Variants in DLG2 observed in about 807,000 individuals in gnomAD.
The protein encoded by DLG2 is disks large homolog 2.
DLG2 carries 45 observed loss-of-function variants against 132.5 expected under a neutral mutation model. The ratio of observed to expected loss-of-function variants is 0.34; its 90% CI spans 0.27 to 0.44. The LOEUF (loss-of-function observed/expected upper bound fraction) is 0.44, where lower values mean the gene tolerates loss of function less well. DLG2 is among the 20% of genes least tolerant of loss of function. The pLI, the probability that DLG2 is intolerant of heterozygous loss-of-function variation, is 1.00. For missense variants in DLG2, 1,045 were observed against 1,196.9 expected (o/e 0.87, Z 1.87); for synonymous variants, 424 against 419.6 (o/e 1.01, Z -0.13).
intron 7 of DLG2, among the ~76,000 whole-genome samples, chr11:84,363,432 TG>T (rs2098662713): frequency 6.6e-6 from 1 of 152,172 alleles, no homozygotes; most frequent in Non-Finnish European, 1.5e-5. Context: ...ATGAGTAGGT[TG>T]TGAAAATTTT....
At chr11:84,009,449 T>C (rs183475069) in intron 11 of DLG2, among the ~76,000 whole-genome samples, 5 of 152,192 alleles carry the variant, frequency 3.3e-5, no homozygotes, top group Admixed American at 2.6e-4. Flanking sequence ...ATTCTTTATA[T>C]GGTATGATTT....
chr11:84,851,627 C>A (rs1255588932), intron 6 of DLG2, among the ~76,000 whole-genome samples: 1 of 152,002 alleles, frequency 6.6e-6, no homozygotes. Flanking sequence ...ACTCATAAAA[C>A]CAACTTTTTG....
intron 6 of DLG2, among the ~76,000 whole-genome samples, chr11:84,894,058 C>G (rs190716318): frequency 1.1e-4 from 17 of 152,246 alleles, no homozygotes; most frequent in East Asian, 3.9e-4. Flanking sequence ...ATTATGGTCA[C>G]TGAGGTTCTA....
rs2063296040 is a variant in DLG2, at chr11:85,054,913, C to A, written c.357+56748G>T. Among the ~76,000 whole-genome samples the A allele has an allele frequency of 2.0e-5, 3 of 152,188 alleles. No individual in the cohort carries two copies. The South Asian group carries it at 6.2e-4, about 32-fold the overall frequency. ...GAAAAACTAACTGTTTAGTACTAACCTCAGTACTGGGGTGATGGAATCATT... is the reference window on the plus strand; with the variant it reads ...GAAAAACTAACTGTTTAGTACTAACATCAGTACTGGGGTGATGGAATCATT... On this transcript the variant is annotated intron_variant, in intron 6 of 27. Coordinates refer to ENST00000376104, the MANE Select transcript of DLG2 (RefSeq NM_001142699.3).
intron 19 of DLG2, among the ~76,000 whole-genome samples, chr11:83,598,234 C>A (rs1351187837): frequency 1.3e-5 from 2 of 152,222 alleles, no homozygotes; most frequent in African/African-American, 4.8e-5. Flanking sequence ...CTCAGCTCCA[C>A]GCATGTTCTG....
At chr11:84,028,484 T>C (rs905742109) in intron 11 of DLG2, among the ~76,000 whole-genome samples, 89 of 152,142 alleles carry the variant, frequency 5.8e-4, no homozygotes, top group Non-Finnish European at 2.5e-4. Context: ...GAAATAATTT[T>C]TTTTGAACAT....
At chr11:83,952,287 T>A (rs2085660090) in intron 14 of DLG2, among the ~76,000 whole-genome samples, 1 of 152,034 alleles carries the variant, frequency 6.6e-6, no homozygotes, top group African/African-American at 2.4e-5. Flanking sequence ...GCTGAGGCTG[T>A]AGTGAACTGA....
chr11:84,192,389 A>C (rs1256497473), intron 8 of DLG2, among the ~76,000 whole-genome samples: 1 of 152,186 alleles, frequency 6.6e-6, no homozygotes, highest in East Asian at 1.9e-4. Flanking sequence ...CGTAAAGAAT[A>C]TATGGGCCTT....
chr11:84,235,763 C>T (rs1008001581), intron 8 of DLG2, among the ~76,000 whole-genome samples: 2 of 151,960 alleles, frequency 1.3e-5, no homozygotes, highest in Non-Finnish European at 2.9e-5. Context: ...TTACAACTAC[C>T]GAGAGGCAGG....
intron 8 of DLG2, among the ~76,000 whole-genome samples, chr11:84,217,613 A>G (rs1388603155): frequency 2.0e-5 from 3 of 152,250 alleles, no homozygotes; most frequent in Non-Finnish European, 4.4e-5. Flanking sequence ...AAAAACAAAA[A>G]TCAACAACAA....
chr11:83,601,209 G>A (rs1310557232), intron 19 of DLG2, among the ~76,000 whole-genome samples: 2 of 152,200 alleles, frequency 1.3e-5, no homozygotes, highest in African/African-American at 4.8e-5. Flanking sequence ...CTCATAATCA[G>A]GGGAAGTGGG....
chr11:85,025,997 G>A (rs1161253273), intron 6 of DLG2, among the ~76,000 whole-genome samples: 1 of 151,804 alleles, frequency 6.6e-6, no homozygotes, highest in Admixed American at 6.6e-5. Flanking sequence ...TGGTCTAAAT[G>A]TACATAAGAC....
chr11:85,274,995 T>C (rs2077796869), intron 4 of DLG2, among the ~76,000 whole-genome samples: 1 of 152,196 alleles, frequency 6.6e-6, no homozygotes. Flanking sequence ...AATGGATAGT[T>C]TTCCCTGTAT....
intron 6 of DLG2, among the ~76,000 whole-genome samples, chr11:84,580,265 G>T (rs2099513291): frequency 6.6e-6 from 1 of 152,148 alleles, no homozygotes; most frequent in South Asian, 2.1e-4. Context: ...AAGATATGGA[G>T]AAAATGTATA....
At chr11:83,657,997 T>G (rs2073183222) in intron 18 of DLG2, among the ~76,000 whole-genome samples, 1 of 152,188 alleles carries the variant, frequency 6.6e-6, no homozygotes. Flanking sequence ...CTCTGCTGTG[T>G]GACCTCTGTG....
chr11:83,817,292 G>A (rs2049294296), intron 17 of DLG2, among the ~76,000 whole-genome samples: 2 of 152,190 alleles, frequency 1.3e-5, no homozygotes, highest in Admixed American at 6.5e-5. Flanking sequence ...GGCAAGAGAA[G>A]GCATTTAGAG....
At chr11:83,637,423 A>C (rs1274499081) in intron 18 of DLG2, among the ~76,000 whole-genome samples, 1 of 152,200 alleles carries the variant, frequency 6.6e-6, no homozygotes, top group African/African-American at 2.4e-5. Context: ...TCTGTACTAC[A>C]TACTTTTAAA....
At chr11:83,911,651 C>T (rs7948758) in intron 15 of DLG2, among the ~76,000 whole-genome samples, 4,011 of 152,050 alleles carry the variant, frequency 0.026, 180 homozygotes, top group African/African-American at 0.089. Flanking sequence ...CAATGTTAGC[C>T]TCATAACATT....
At chr11:84,146,307 A>G (rs556778285) in intron 9 of DLG2, among the ~76,000 whole-genome samples, 1 of 152,340 alleles carries the variant, frequency 6.6e-6, no homozygotes, top group Non-Finnish European at 1.5e-5. Flanking sequence ...GGTCTAAATA[A>G]TAATTTAATT....
Sources: gnomAD v4.1 joint callset for allele counts (sites outside exome capture counted in the v4.1 genomes callset) on GRCh38, gnomAD v4.1.1 for gene constraint, MANE v1.5 for transcripts, NCBI Gene and HGNC (gene_info 2026-07-23, HGNC 2026-07-21) for gene names.